Variants in SGSM1 observed in about 807,000 individuals in gnomAD.
SGSM1 encodes small G protein signaling modulator 1.
A neutral mutation model predicts 133.8 loss-of-function variants in SGSM1; 73 were observed. The observed-to-expected ratio is 0.55, with a 90% CI of 0.45 to 0.66. The LOEUF is 0.66. Ranked by LOEUF, SGSM1 falls within the 30% of genes least tolerant of loss-of-function variation. The pLI is 0.00. For synonymous variants in SGSM1, 563 were observed against 573.0 expected (o/e 0.98, Z 0.25); for missense variants, 1,213 against 1,448.1 (o/e 0.84, Z 2.64).
chr22:24,918,314 G>A (rs1358404004), intron 23 of SGSM1, among the ~76,000 whole-genome samples: 2 of 151,974 alleles, frequency 1.3e-5, no homozygotes, highest in South Asian at 2.1e-4. Context: ...ACCTAACATG[G>A]TGAAAACCTG....
Position 24,816,712 on chromosome 22 carries a change from C to T in SGSM1, c.63+10228C>T, listed in dbSNP as rs115790960. Among the ~76,000 whole-genome samples the T allele has an allele frequency of 5.8e-3, 884 of 152,274 alleles. 9 individuals carry two copies. The highest frequency in any genetic ancestry group is 0.02 in the African/African-American group (842 of 41,554). On this transcript the variant is annotated intron_variant, in intron 2 of 24. Coordinates refer to ENST00000400358, the MANE Select transcript of SGSM1 (RefSeq NM_001098497.3). ...TCTTGGTTTAAGTGTTTGGGAAGTT[C>T]AGGTGCACCTATATCCAGGGGCGCC...
intron 12 of SGSM1, among the ~76,000 whole-genome samples, chr22:24,871,526 A>C (rs1931763258): frequency 6.6e-6 from 1 of 151,990 alleles, no homozygotes; most frequent in South Asian, 2.1e-4. Context: ...CACTGTCCCT[A>C]TCTTAACTCA....
At position 24,919,936 on chromosome 22, in the gene SGSM1, C is replaced by T. The variant is rs200983507; in HGVS notation, c.3136C>T (p.Arg1046Cys). ...TGCGCTGGCTCTGGTGGAAGTCTAC[C>T]GTGACATCATTTTGGAGAACAACAT... ...FIALALVEVY[R>C]DIILENNMDF... The change falls in exon 24 of 25, where the codon CGT becomes TGT. Residue 1046 changes from arginine to cysteine, a missense_variant. Coordinates refer to ENST00000400358, the MANE Select transcript of SGSM1 (RefSeq NM_001098497.3). 4.4e-4 allele frequency: 710 copies of T among 1,613,688 alleles called. 1 individual carries two copies. The highest frequency in any genetic ancestry group is 5.1e-4 in the Non-Finnish European group (599 of 1,179,810).
chr22:24,915,216 G>C (rs932220512), intron 22 of SGSM1, among the ~76,000 whole-genome samples: 22 of 146,774 alleles, frequency 1.5e-4, no homozygotes, highest in African/African-American at 4.8e-4. Context: ...GCGACAGAGC[G>C]AGACTCCGTC....
intron 21 of SGSM1, among the ~76,000 whole-genome samples, chr22:24,909,793 A>G (rs1933549987): frequency 6.6e-6 from 1 of 152,154 alleles, no homozygotes; most frequent in African/African-American, 2.4e-5. Flanking sequence ...GCAGTTTCTC[A>G]TAGTAATAAA....
chr22:24,866,356 A>C (rs191313601), intron 9 of SGSM1, among the ~76,000 whole-genome samples: 195 of 152,286 alleles, frequency 1.3e-3, no homozygotes, highest in Non-Finnish European at 2.1e-3. Flanking sequence ...CTCGAGTCAC[A>C]CTGCTGGGAA....
chr22:24,859,593 G>T (rs753371287), intron 8 of SGSM1, 123 bp from the exon 9 acceptor site: 25 of 1,350,980 alleles, frequency 1.9e-5, no homozygotes, highest in Admixed American at 1.2e-4. Context: ...CATGGCCAGG[G>T]CCTTGAAGGG....
At chr22:24,823,903 C>T (rs1040853254) in intron 2 of SGSM1, among the ~76,000 whole-genome samples, 2 of 152,158 alleles carry the variant, frequency 1.3e-5, no homozygotes, top group African/African-American at 4.8e-5. Context: ...CACTCTGTCC[C>T]TAAAAATATA....
intron 2 of SGSM1, among the ~76,000 whole-genome samples, chr22:24,833,392 G>C (rs1245619134): frequency 6.6e-6 from 1 of 151,614 alleles, no homozygotes; most frequent in Non-Finnish European, 1.5e-5. Flanking sequence ...AGGCGCGGTG[G>C]CTCACACCTG....
At chr22:24,888,048 GT>G (rs1014320330) in intron 16 of SGSM1, among the ~76,000 whole-genome samples, 2 of 151,886 alleles carry the variant, frequency 1.3e-5, no homozygotes, top group South Asian at 2.1e-4. Context: ...GGATTGTTTG[GT>G]TTTTTTTCCT....
intron 4 of SGSM1, 141 bp downstream of exon 4, chr22:24,847,937 C>T (rs1326718699): frequency 1.7e-6 from 2 of 1,188,944 alleles, no homozygotes; most frequent in Non-Finnish European, 1.1e-6. Context: ...CTCTTTCCCA[C>T]CCCAGGGTCT....
intron 16 of SGSM1, among the ~76,000 whole-genome samples, chr22:24,889,336 G>T (rs1932762112): frequency 6.6e-6 from 1 of 151,712 alleles, no homozygotes; most frequent in African/African-American, 2.4e-5. Flanking sequence ...AAATATAAAT[G>T]GTCCCCAACT....
At chr22:24,891,827 A>G (rs1435863100) in intron 16 of SGSM1, among the ~76,000 whole-genome samples, 1 of 152,216 alleles carries the variant, frequency 6.6e-6, no homozygotes, top group East Asian at 1.9e-4. Flanking sequence ...CTCAGAAGGA[A>G]TTACTTTTCG....
chr22:24,876,893 A>G (rs1932053640), intron 13 of SGSM1, among the ~76,000 whole-genome samples, 178 bp downstream of exon 13: 1 of 152,236 alleles, frequency 6.6e-6, no homozygotes, highest in African/African-American at 2.4e-5. Flanking sequence ...AATAGTCAGG[A>G]TAAACAAGGT....
At chr22:24,900,393 T>TTCTCTCTTTCTCTCTTTCTC (rs1403588800) in intron 19 of SGSM1, among the ~76,000 whole-genome samples, 15 of 69,362 alleles carry the variant, frequency 2.2e-4, no homozygotes, top group African/African-American at 7.4e-4. Flanking sequence ...CTTTCTTTCT[T>TTCTCTCTTTCTCTCTTTCTC]TCTTTCTTTC....
chr22:24,924,372 C>CCA lies in SGSM1; in HGVS notation c.*98_*99insCA. 9.8e-7 allele frequency: 1 copy of CCA among 1,023,596 alleles called. No homozygotes were observed. Among genetic ancestry groups the CCA allele is most frequent in the Non-Finnish European group, 1.5e-6 (1 of 666,392 alleles). 63.4% of individuals were successfully genotyped at this position (1,023,596 alleles called of 1,614,324 possible). A position where few individuals can be genotyped will look rare whatever the true frequency, so the allele number is the denominator to read the frequency against. ...GGATGGGCACCCCGGGAGCGGGGTCCTGGTGTCTGTTCACAAGCGTGGAGT... is the reference window on the plus strand; with the variant it reads ...GGATGGGCACCCCGGGAGCGGGGTCCCATGGTGTCTGTTCACAAGCGTGGAGT... On this transcript the variant is annotated 3_prime_UTR_variant, in exon 25 of 25. Coordinates refer to ENST00000400358, the MANE Select transcript of SGSM1 (RefSeq NM_001098497.3).
At chr22:24,806,569 T>G in intron 2 of SGSM1, 85 bp downstream of exon 2, 1 of 1,434,198 alleles carries the variant, frequency 7.0e-7, no homozygotes, top group South Asian at 1.4e-5. Context: ...AAGGGTGGCC[T>G]CTGGCGGCGG....
At chr22:24,840,674 T>C (rs1403587886) in intron 2 of SGSM1, among the ~76,000 whole-genome samples, 2 of 152,006 alleles carry the variant, frequency 1.3e-5, no homozygotes, top group Admixed American at 1.3e-4. Flanking sequence ...TTCTGCTAGC[T>C]GTGGATTTAG....
intron 21 of SGSM1, among the ~76,000 whole-genome samples, chr22:24,911,467 A>G (rs1334743616): frequency 1.2e-4 from 18 of 151,814 alleles, no homozygotes; most frequent in Non-Finnish European, 2.5e-4. Flanking sequence ...AACTACCTAC[A>G]CTTTAGACAC....
Sources: gnomAD v4.1 joint callset for allele counts (sites outside exome capture counted in the v4.1 genomes callset) on GRCh38, gnomAD v4.1.1 for gene constraint, MANE v1.5 for transcripts, NCBI Gene and HGNC (gene_info 2026-07-23, HGNC 2026-07-21) for gene names.